Variants in USP34 observed in about 807,000 individuals in gnomAD.
USP34 encodes the protein ubiquitin specific peptidase 34, also known as ubiquitin carboxyl-terminal hydrolase 34.
A neutral mutation model predicts 460.3 loss-of-function variants in USP34; 70 were observed. The ratio of observed to expected loss-of-function variants is 0.15; its 90% CI spans 0.13 to 0.19. The LOEUF (loss-of-function observed/expected upper bound fraction) is 0.19. USP34 is among the 10% of genes least tolerant of loss of function. USP34 has a pLI of 1.00. For missense variants in USP34, 3,985 were observed against 4,236.2 expected (o/e 0.94, Z 1.65); for synonymous variants, 1,647 against 1,405.3 (o/e 1.17, Z -3.85).
intron 1 of USP34, among the ~76,000 whole-genome samples, chr2:61,464,053 T>C (rs949593365): frequency 1.3e-5 from 2 of 152,172 alleles, no homozygotes; most frequent in African/African-American, 4.8e-5. Flanking sequence ...AATAAAGTAA[T>C]CTGCTTTAAA....
chr2:61,242,458 TACACACACACACACACACAC>T (rs67471702), intron 51 of USP34, among the ~76,000 whole-genome samples: 16 of 129,778 alleles, frequency 1.2e-4, no homozygotes, highest in South Asian at 2.7e-4. Flanking sequence ...AGATAATACA[TACACACACACACACACACAC>T]ACACACACAC....
chr2:61,435,605 T>A (rs1198033628), intron 1 of USP34, among the ~76,000 whole-genome samples: 1 of 152,126 alleles, frequency 6.6e-6, no homozygotes, highest in African/African-American at 2.4e-5. Flanking sequence ...GAATTTCATA[T>A]ATGGAAGAGC....
chr2:61,211,045 G>A (rs1572838625), intron 69 of USP34, among the ~76,000 whole-genome samples: 2 of 152,136 alleles, frequency 1.3e-5, no homozygotes, highest in East Asian at 1.9e-4. Flanking sequence ...CGGCAAAGGC[G>A]TAGTTAATTT....
intron 21 of USP34, among the ~76,000 whole-genome samples, chr2:61,323,997 A>C (rs958199976): frequency 6.6e-5 from 10 of 152,258 alleles, no homozygotes; most frequent in African/African-American, 2.4e-4. Context: ...CAAGATAAAC[A>C]CAGTATATCT....
chr2:61,283,399 G>A lies in USP34; in HGVS notation c.4873+10C>T. The A allele has an allele frequency of 1.3e-6, 2 of 1,597,642 alleles. No homozygotes were observed. The highest frequency in any genetic ancestry group is 1.7e-6 in the Non-Finnish European group (2 of 1,174,560). On this transcript the variant is annotated intron_variant, in intron 36 of 79. Transcript: ENST00000398571. ...TTATTTATTAAAAGTTAACTTTGTG[G>A]AACCCTTACCTTCATGTCTAGACCT... is the stretch of plus-strand genomic sequence containing the variant.
intron 10 of USP34, among the ~76,000 whole-genome samples, chr2:61,354,329 A>G (rs935693949): frequency 2.0e-5 from 3 of 152,236 alleles, no homozygotes; most frequent in African/African-American, 4.8e-5. Flanking sequence ...TAGAGGCCAG[A>G]AGGCAATGAG....
intron 21 of USP34, among the ~76,000 whole-genome samples, chr2:61,320,375 C>A (rs577907259): frequency 7.2e-5 from 11 of 152,232 alleles, no homozygotes; most frequent in South Asian, 4.1e-4. Flanking sequence ...TTTAGACATG[C>A]CAATGAATCC....
chr2:61,322,145 G>A (rs34363976), intron 21 of USP34, among the ~76,000 whole-genome samples: 30 of 152,220 alleles, frequency 2.0e-4, no homozygotes, highest in Non-Finnish European at 4.0e-4. Flanking sequence ...CAGGAGAATC[G>A]CTTGAACCAG....
rs574038651 is a variant in USP34 at position 61,465,152 on chromosome 2, G to C, written c.43+5498C>G. The stretch of plus-strand genomic sequence containing the variant: ...AAGCCAAATATGATTTTGAAATGTA[G>C]TTTCAACTTTTATGATATGTGTCAA... On this transcript the variant is annotated intron_variant, in intron 1 of 79. Coordinates refer to ENST00000398571, the MANE Select transcript of USP34 (RefSeq NM_014709.4). Among the ~76,000 whole-genome samples, 277 of 144,882 alleles carry C rather than the reference G, an allele frequency of 1.9e-3. 1 individual carries two copies. The highest frequency in any genetic ancestry group is 6.5e-3 in the African/African-American group (261 of 40,316).
intron 5 of USP34, among the ~76,000 whole-genome samples, chr2:61,387,880 T>C (rs904697859): frequency 6.0e-5 from 9 of 149,960 alleles, no homozygotes; most frequent in South Asian, 4.2e-4. Context: ...CGTATACGCA[T>C]ATGTAAAAAT....
chr2:61,258,722 G>A (rs1007704966), intron 44 of USP34, among the ~76,000 whole-genome samples: 4 of 152,132 alleles, frequency 2.6e-5, no homozygotes, highest in African/African-American at 9.7e-5. Context: ...GCACTCAAGA[G>A]TTTTAAGCAG....
Position 61,470,711 on chromosome 2 carries a change from C to CCCCT in USP34, c.-23_-20dup, listed in dbSNP as rs759717407. On this transcript the variant is annotated 5_prime_UTR_variant, in exon 1 of 80. Coordinates refer to ENST00000398571, the MANE Select transcript of USP34 (RefSeq NM_014709.4). ...CGCACATCGTTCGGCCGCCGCCCCC[C>CCCCT]CCCTCCCCCGCTTCGGATCACACTG... The CCCCT allele has an allele frequency of 1.2e-5, 19 of 1,588,956 alleles. No homozygotes were observed. The South Asian group carries it at 2.1e-4, about 18-fold the overall frequency.
chr2:61,446,157 C>G (rs1268583160), intron 1 of USP34, among the ~76,000 whole-genome samples: 2 of 149,228 alleles, frequency 1.3e-5, no homozygotes, highest in Non-Finnish European at 3.0e-5. Context: ...TTAGAAATGT[C>G]TACATATTTA....
intron 75 of USP34, among the ~76,000 whole-genome samples, chr2:61,196,369 C>T (rs1286868873): frequency 1.3e-5 from 2 of 151,332 alleles, no homozygotes; most frequent in Non-Finnish European, 2.9e-5. Context: ...GGATTACAGG[C>T]GTGAGCCACC....
chr2:61,288,596 C>A (rs1393514002), intron 34 of USP34, 81 bp downstream of exon 34: 1 of 1,427,070 alleles, frequency 7.0e-7, no homozygotes, highest in African/African-American at 1.4e-5. Flanking sequence ...ATCTAGAATA[C>A]ATTTCTTAAG....
At chr2:61,424,130 G>A (rs1694441985) in intron 1 of USP34, among the ~76,000 whole-genome samples, 1 of 152,112 alleles carries the variant, frequency 6.6e-6, no homozygotes, top group South Asian at 2.1e-4. Context: ...TCCCACTCGT[G>A]AGCATATATA....
intron 21 of USP34, among the ~76,000 whole-genome samples, chr2:61,320,579 A>G (rs1321186523): frequency 6.6e-6 from 1 of 152,248 alleles, no homozygotes; most frequent in Non-Finnish European, 1.5e-5. Flanking sequence ...AATATTTACT[A>G]TCTCATCCAG....
In USP34 at chr2:61,203,075, C is replaced by A; in HGVS notation, c.9508+65G>T. The A allele has an allele frequency of 2.2e-6, 3 of 1,368,732 alleles. No homozygotes were observed. In the South Asian group the frequency reaches 6.2e-5, roughly 28 times the overall value. 84.8% of individuals were successfully genotyped at this position (1,368,732 alleles called of 1,614,324 possible). On this transcript the variant is annotated intron_variant, in intron 75 of 79. Coordinates refer to ENST00000398571, the MANE Select transcript of USP34 (RefSeq NM_014709.4). Reference sequence around the variant, plus strand: ...AAGGATTGTCTCATAATTTTTCTCCCCTTCCTGAATGACTAGGGGCTTAAA... The same window carrying A: ...AAGGATTGTCTCATAATTTTTCTCCACTTCCTGAATGACTAGGGGCTTAAA...
intron 1 of USP34, among the ~76,000 whole-genome samples, chr2:61,427,919 T>G (rs1347511684): frequency 6.6e-6 from 1 of 151,942 alleles, no homozygotes; most frequent in East Asian, 1.9e-4. Flanking sequence ...TCCCAGCACT[T>G]TGGATGGCTG....
Sources: allele counts gnomAD v4.1 joint callset (sites outside exome capture counted in the v4.1 genomes callset), GRCh38; gene constraint gnomAD v4.1.1; transcripts MANE v1.5; gene names NCBI Gene and HGNC (gene_info 2026-07-23, HGNC 2026-07-21).